Variants in RANBP10 observed in about 807,000 individuals in gnomAD.
The protein encoded by RANBP10 is RAN binding protein 10.
RANBP10 carries 24 observed loss-of-function variants against 72.8 expected under a neutral mutation model. The observed-to-expected ratio is 0.33, with a 90% CI of 0.24 to 0.46. The LOEUF is 0.46. RANBP10 is among the 20% of genes least tolerant of loss of function. RANBP10 has a pLI of 1.00. For missense variants in RANBP10, 679 were observed against 817.5 expected, an observed-to-expected ratio of 0.83 and a Z score of 2.07; for synonymous variants, 310 against 322.3, an observed-to-expected ratio of 0.96 and a Z score of 0.41.
chr16:67,771,944 G>A, intron 3 of RANBP10, 90 bp downstream of exon 3: 1 of 1,468,006 alleles, frequency 6.8e-7, no homozygotes, highest in Non-Finnish European at 9.3e-7. Context: ...AGCAAACAAA[G>A]TCCTCCCCAG....
chr16:67,802,929 TG>T (rs2055263951), intron 2 of RANBP10, among the ~76,000 whole-genome samples: 1 of 152,206 alleles, frequency 6.6e-6, no homozygotes, highest in Non-Finnish European at 1.5e-5. Context: ...AGTTGGTCTC[TG>T]CTCTCTACCT....
At chr16:67,797,456 C>T (rs1295379963) in intron 2 of RANBP10, among the ~76,000 whole-genome samples, 1 of 152,038 alleles carries the variant, frequency 6.6e-6, no homozygotes. Flanking sequence ...ATTGATTGAG[C>T]GTAGGAGTTC....
At chr16:67,748,917 G>T (rs890514647) in intron 3 of RANBP10, among the ~76,000 whole-genome samples, 23 of 152,050 alleles carry the variant, frequency 1.5e-4, no homozygotes, top group African/African-American at 5.6e-4. Context: ...TCCTCCTTGG[G>T]GCCTAAGCAG....
intron 2 of RANBP10, among the ~76,000 whole-genome samples, chr16:67,799,265 A>G (rs191658872): frequency 1.4e-5 from 2 of 141,072 alleles, no homozygotes; most frequent in Admixed American, 7.3e-5. Flanking sequence ...TACCGACCTC[A>G]TGTTCTGCGC....
chr16:67,787,574 A>G lies in RANBP10; in HGVS notation c.348-15488T>C, dbSNP rs543888321. ...AAATAGGAACTCAAACACTATGTACACCAATGTTTGCTGCAGCATTATTCA... is the reference window on the plus strand; with the variant it reads ...AAATAGGAACTCAAACACTATGTACGCCAATGTTTGCTGCAGCATTATTCA... On this transcript the variant is annotated intron_variant, in intron 2 of 13. Transcript: ENST00000317506. 1.2e-3 allele frequency among the ~76,000 whole-genome samples: 182 copies of G among 152,318 alleles called. 1 individual carries two copies. The highest frequency in any genetic ancestry group is 4.2e-3 in the African/African-American group (173 of 41,574).
chr16:67,726,628 G>A lies in RANBP10; in HGVS notation c.1733-70C>T. 5 of 1,487,736 alleles carry A rather than the reference G, an allele frequency of 3.4e-6. No homozygotes were observed. The South Asian group carries it at 6.7e-5, about 20-fold the overall frequency. The allele number at this position is 1,487,736 out of a possible 1,614,324, so 92.2% of individuals were successfully genotyped here. A position where few individuals can be genotyped will look rare whatever the true frequency, so the allele number is the denominator to read the frequency against. ...TGGGCCCAGGTCAAAGTTCCCTTGG[G>A]GGTGGAAGGAGGGGGCAGTGGACAG... On this transcript the variant is annotated intron_variant, in intron 13 of 13. Transcript: ENST00000317506.
intron 3 of RANBP10, among the ~76,000 whole-genome samples, chr16:67,745,218 C>T (rs1163597823): frequency 2.6e-5 from 4 of 152,028 alleles, no homozygotes; most frequent in African/African-American, 4.8e-5. Context: ...CCTCATGATC[C>T]GCCTGCCTTG....
intron 2 of RANBP10, among the ~76,000 whole-genome samples, chr16:67,775,619 C>T (rs1433388854): frequency 6.6e-6 from 1 of 151,654 alleles, no homozygotes; most frequent in Non-Finnish European, 1.5e-5. Context: ...TCGAGACCAG[C>T]CTAGGCAACA....
chr16:67,751,238 T>C (rs1366440473), intron 3 of RANBP10, among the ~76,000 whole-genome samples: 2 of 152,240 alleles, frequency 1.3e-5, no homozygotes, highest in East Asian at 1.9e-4. Context: ...CAATATCCAC[T>C]ATGAAAACAA....
At chr16:67,803,217 C>T (rs1265509773) in intron 2 of RANBP10, among the ~76,000 whole-genome samples, 4 of 152,082 alleles carry the variant, frequency 2.6e-5, no homozygotes, top group Non-Finnish European at 4.4e-5. Flanking sequence ...TGTCTGTAAA[C>T]GCACTAGATG....
At chr16:67,736,047 G>A (rs1597832743) in intron 5 of RANBP10, among the ~76,000 whole-genome samples, 1 of 152,090 alleles carries the variant, frequency 6.6e-6, no homozygotes, top group South Asian at 2.1e-4. Context: ...GCTCCCCACT[G>A]CAACTGTCCA....
intron 3 of RANBP10, among the ~76,000 whole-genome samples, chr16:67,760,606 A>G (rs1057291342): frequency 1.3e-5 from 2 of 152,196 alleles, no homozygotes; most frequent in Non-Finnish European, 2.9e-5. Flanking sequence ...CAGGCACCAC[A>G]TGTTTCAGGA....
intron 3 of RANBP10, among the ~76,000 whole-genome samples, chr16:67,765,352 C>A (rs2054480886): frequency 6.6e-6 from 1 of 151,628 alleles, no homozygotes; most frequent in African/African-American, 2.4e-5. Context: ...CATGGAGAAA[C>A]CCTGTCTTTA....
At chr16:67,755,592 G>A (rs1233884058) in intron 3 of RANBP10, among the ~76,000 whole-genome samples, 4 of 150,964 alleles carry the variant, frequency 2.6e-5, no homozygotes, top group African/African-American at 7.3e-5. Context: ...GCTGAGGCAG[G>A]AGAATTGCTT....
chr16:67,735,111 C>T (rs1320077538), intron 5 of RANBP10, 69 bp from the exon 6 acceptor site: 23 of 1,400,356 alleles, frequency 1.6e-5, no homozygotes, highest in East Asian at 4.9e-5. Context: ...ACCTCACCTC[C>T]ATGGCTGCTG....
intron 2 of RANBP10, among the ~76,000 whole-genome samples, chr16:67,802,248 A>C (rs144947339): frequency 2.0e-3 from 303 of 152,356 alleles, no homozygotes; most frequent in Middle Eastern, 0.01. Flanking sequence ...GGATTCCATA[A>C]AGAGACCATG....
rs1198005891 is a variant in RANBP10 at position 67,767,604 on chromosome 16, T to C, written c.400+4430A>G. 7.3e-5 allele frequency among the ~76,000 whole-genome samples: 11 copies of C among 151,650 alleles called. No individual in the cohort carries two copies. The East Asian group carries it at 2.1e-3, about 30-fold the overall frequency. ...CAGGGAGACCTTGTCTCTACAATTT[T>C]TTTTTTTTTTGAGACGGCGTCTCGC... On this transcript the variant is annotated intron_variant, in intron 3 of 13. Coordinates refer to ENST00000317506, the MANE Select transcript of RANBP10 (RefSeq NM_020850.3).
chr16:67,793,024 T>G (rs1178314764), intron 2 of RANBP10, among the ~76,000 whole-genome samples: 1 of 152,010 alleles, frequency 6.6e-6, no homozygotes, highest in Non-Finnish European at 1.5e-5. Flanking sequence ...GAGTCTCAAG[T>G]ACCAAACCTT....
chr16:67,789,290 CCAGAAT>C (rs2054981066), intron 2 of RANBP10, among the ~76,000 whole-genome samples: 1 of 147,290 alleles, frequency 6.8e-6, no homozygotes, highest in South Asian at 2.1e-4. Context: ...AGCCTGGGCA[CCAGAAT>C]AAGACTCCAT....
Sources: allele counts gnomAD v4.1 joint callset (sites outside exome capture counted in the v4.1 genomes callset), GRCh38; gene constraint gnomAD v4.1.1; transcripts MANE v1.5; gene names NCBI Gene and HGNC (gene_info 2026-07-23, HGNC 2026-07-21).